The following CEP295 variants were observed in gnomAD, a reference collection of about 807,000 sequenced individuals.
The protein encoded by CEP295 is centrosomal protein 295.
CEP295 carries 190 observed loss-of-function variants against 291.6 expected under a neutral mutation model. That is an observed-to-expected ratio of 0.65 (90% CI 0.58 to 0.73). CEP295 has a LOEUF of 0.73. Ranked by LOEUF, CEP295 falls within the 30% of genes least tolerant of loss-of-function variation. CEP295 has a pLI of 0.00. For synonymous variants in CEP295, 993 were observed against 1,038.8 expected (o/e 0.96, Z 0.85); for missense variants, 2,863 against 2,949.4 (o/e 0.97, Z 0.68).
At chr11:93,701,503 G>A (rs1454149937) in intron 15 of CEP295, among the ~76,000 whole-genome samples, 3 of 152,188 alleles carry the variant, frequency 2.0e-5, no homozygotes, top group Non-Finnish European at 4.4e-5. Context: ...GTCATTTAAA[G>A]GAAAAGTAAT....
rs552968344 is a variant in CEP295, at chr11:93,684,755, T to C, written c.1114+627T>C. On this transcript the variant is annotated intron_variant, in intron 9 of 29. Coordinates refer to ENST00000325212, the MANE Select transcript of CEP295 (RefSeq NM_033395.2). The stretch of plus-strand genomic sequence containing the variant: ...CTCTCCCTTATGTGTATGCCCTCAG[T>C]GAAACCCCAAATCTCATTGGCTAGC... Among the ~76,000 whole-genome samples the C allele has an allele frequency of 8.3e-4, 127 of 152,328 alleles. 1 individual carries two copies. The highest frequency in any genetic ancestry group is 3.0e-3 in the African/African-American group (126 of 41,578).
intron 18 of CEP295, among the ~76,000 whole-genome samples, chr11:93,711,481 GTTTTGTTTTTGT>G (rs138472629): frequency 1.4e-3 from 213 of 149,650 alleles, no homozygotes; most frequent in Non-Finnish European, 1.8e-3. Context: ...TATTATTTCA[GTTTTGTTTTTGT>G]TTTTGTTTTT....
chr11:93,702,474 A>G lies in CEP295; in HGVS notation c.5289A>G (p.Thr1763=). Residue 1763 remains threonine, a synonymous_variant, in exon 16 of 30, where the codon ACA becomes ACG. Coordinates refer to ENST00000325212, the MANE Select transcript of CEP295 (RefSeq NM_033395.2). ...FFKDSQISKP[T]VENDLKTQKM... is the part of the protein sequence containing the mutation. Reference sequence around the variant, plus strand: ...CACTTTTTCAGATAAGTAAGCCCACAGTTGAAAATGATTTAAAAACCCAGA... The same window carrying G: ...CACTTTTTCAGATAAGTAAGCCCACGGTTGAAAATGATTTAAAAACCCAGA... 11 of 1,533,966 alleles carry G rather than the reference A, an allele frequency of 7.2e-6. No individual in the cohort carries two copies. The highest frequency in any genetic ancestry group is 9.6e-6 in the Non-Finnish European group (11 of 1,140,936).
chr11:93,721,650 T>A (rs1274269497), intron 19 of CEP295: 1 of 730,630 alleles, frequency 1.4e-6, no homozygotes, highest in Admixed American at 1.8e-5. Flanking sequence ...TGTAAAACAA[T>A]AAGGGCATAT....
intron 15 of CEP295, among the ~76,000 whole-genome samples, chr11:93,701,538 A>G (rs1224051186): frequency 6.6e-6 from 1 of 152,120 alleles, no homozygotes; most frequent in African/African-American, 2.4e-5. Context: ...AGAGGGAAAT[A>G]CTCAAATATA....
chr11:93,705,490 T>G (rs1952454742), intron 17 of CEP295, among the ~76,000 whole-genome samples: 1 of 152,190 alleles, frequency 6.6e-6, no homozygotes, highest in Non-Finnish European at 1.5e-5. Context: ...TGTGGGCTAA[T>G]TTTCTTAATT....
chr11:93,688,700 T>C (rs943944772), intron 10 of CEP295, among the ~76,000 whole-genome samples: 2 of 152,294 alleles, frequency 1.3e-5, no homozygotes, highest in South Asian at 4.2e-4. Context: ...CTTCTCTTTA[T>C]ATCAAAACTC....
At position 93,717,911 on chromosome 11, in the gene CEP295, A is replaced by T. The variant is rs115068313; in HGVS notation, c.5750-3401A>T. Among the ~76,000 whole-genome samples the T allele has an allele frequency of 6.7e-3, 1,016 of 151,994 alleles. 17 individuals carry two copies. The highest frequency in any genetic ancestry group is 0.053 in the East Asian group (273 of 5,156). On this transcript the variant is annotated intron_variant, in intron 18 of 29. Coordinates refer to ENST00000325212, the MANE Select transcript of CEP295 (RefSeq NM_033395.2). ...CATTCCCAGATTCAGATTGTTTCAAATTTCTTTTATTCTGTTTTGAGACAG... is the reference window on the plus strand; with the variant it reads ...CATTCCCAGATTCAGATTGTTTCAATTTTCTTTTATTCTGTTTTGAGACAG...
intron 1 of CEP295, among the ~76,000 whole-genome samples, chr11:93,665,660 A>T (rs1201183134): frequency 1.3e-5 from 2 of 152,246 alleles, no homozygotes; most frequent in Non-Finnish European, 2.9e-5. Context: ...GTAAGCCAAG[A>T]TTGTGTCATT....
chr11:93,700,600 A>AT lies in CEP295; in HGVS notation c.5274+427dup, dbSNP rs796493911. 2.5e-3 allele frequency among the ~76,000 whole-genome samples: 347 copies of AT among 138,784 alleles called. 1 individual carries two copies. The highest frequency in any genetic ancestry group is 0.019 in the East Asian group (94 of 4,836). The allele number at this position is 138,784 out of a possible 152,430, so 91.0% of individuals were successfully genotyped here. On this transcript the variant is annotated intron_variant, in intron 15 of 29. Transcript: ENST00000325212. ...ACCACCATGCCTGGCTAAATTTTGT[A>AT]TTTTTTTTTTTTTAATAGAGACAGG... is the stretch of plus-strand genomic sequence containing the variant.
At chr11:93,689,423 T>C (rs1951406703) in intron 10 of CEP295, among the ~76,000 whole-genome samples, 1 of 152,226 alleles carries the variant, frequency 6.6e-6, no homozygotes. Context: ...GCTCGCTGTT[T>C]CTCAGACAGC....
intron 15 of CEP295, 63 bp from the exon 16 acceptor site, chr11:93,702,397 A>G: frequency 1.8e-6 from 2 of 1,112,532 alleles, no homozygotes; most frequent in African/African-American, 3.2e-5. Context: ...TATAAATCTA[A>G]TGAATAATGC....
At position 93,699,284 on chromosome 11, in the gene CEP295, G is replaced by A; in HGVS notation, c.4372G>A (p.Ala1458Thr). 1.3e-6 allele frequency: 2 copies of A among 1,551,914 alleles called. No homozygotes were observed. The highest frequency in any genetic ancestry group is 1.7e-6 in the Non-Finnish European group (2 of 1,146,960). ...TTTACCTCAACAAGATAATTTGATTGCACTTGAAGAACACTTGCATGCACA... is the reference window on the plus strand; with the variant it reads ...TTTACCTCAACAAGATAATTTGATTACACTTGAAGAACACTTGCATGCACA... ...LVLPQQDNLI[A>T]LEEHLHAQTD... Residue 1458 changes from alanine (A) to threonine (T), a missense_variant, in exon 15 of 30, where the codon GCA (alanine) becomes ACA (threonine). By Grantham distance (58) the Ala-to-Thr change is moderately conservative (BLOSUM62 0). Around this residue, in one of 3 missense-constraint regions of CEP295, gnomAD observed 2,295 missense variants for 2,335.7 expected, o/e 0.98. Transcript: ENST00000325212.
chr11:93,702,351 A>G (rs1952220402), intron 15 of CEP295, 109 bp from the exon 16 acceptor site: 1 of 656,334 alleles, frequency 1.5e-6, no homozygotes, highest in Non-Finnish European at 2.4e-6. Flanking sequence ...TGATGGAACT[A>G]TTTATTTGGT....
At chr11:93,715,767 A>G (rs1953201253) in intron 18 of CEP295, among the ~76,000 whole-genome samples, 1 of 152,114 alleles carries the variant, frequency 6.6e-6, no homozygotes, top group Admixed American at 6.5e-5. Flanking sequence ...GGATGTGTCC[A>G]TAAATGTCAT....
chr11:93,711,253 C>T (rs1363257619), intron 18 of CEP295, among the ~76,000 whole-genome samples: 1 of 152,044 alleles, frequency 6.6e-6, no homozygotes, highest in Non-Finnish European at 1.5e-5. Context: ...CTATAAATTT[C>T]CCTCTTAGTA....
chr11:93,691,908 G>GT lies in CEP295; in HGVS notation c.1430-16dup. ...TTCTAAATTATTGAAACTAATTTTT[G>GT]TTTGGGGCATTCCCCTAGAAATAAA... On this transcript the variant is annotated intron_variant, in intron 11 of 29. Transcript: ENST00000325212. The GT allele has an allele frequency of 6.1e-6, 9 of 1,472,378 alleles. No individual in the cohort carries two copies. The highest frequency in any genetic ancestry group is 8.3e-6 in the Non-Finnish European group (9 of 1,082,626). The allele number at this position is 1,472,378 out of a possible 1,614,324, so 91.2% of individuals were successfully genotyped here.
intron 17 of CEP295, among the ~76,000 whole-genome samples, chr11:93,704,961 T>G (rs1184660126): frequency 6.6e-6 from 1 of 152,220 alleles, no homozygotes; most frequent in Admixed American, 6.5e-5. Context: ...GTCATTATGG[T>G]GATACATAGA....
chr11:93,721,665 GGTGT>G (rs59894789), intron 19 of CEP295: 195,713 of 602,606 alleles, frequency 0.32, 11,048 homozygotes, highest in East Asian at 0.38. Flanking sequence ...GCATATGTCT[GGTGT>G]GTGTGTGTGT....
Sources: gnomAD v4.1 joint callset for allele counts (sites outside exome capture counted in the v4.1 genomes callset) on GRCh38, gnomAD v4.1.1 for gene constraint, gnomAD v4.1.1 regional missense constraint, MANE v1.5 for transcripts, NCBI Gene and HGNC (gene_info 2026-07-23, HGNC 2026-07-21) for gene names.